The following CYP2C19 variants were observed in gnomAD, a reference collection of about 807,000 sequenced individuals.
The protein encoded by CYP2C19 is cytochrome P450 2C19.
In CYP2C19, 59 loss-of-function variants were observed where a neutral mutation model predicts 40.9. That is an observed-to-expected ratio of 1.44 (90% CI 1.17 to 1.79). CYP2C19 has a LOEUF of 1.79. CYP2C19 is among the 40% of genes most tolerant of loss of function. The pLI, the probability that CYP2C19 is intolerant of heterozygous loss-of-function variation, is 0.00. For missense variants in CYP2C19, 754 were observed against 596.9 expected, an observed-to-expected ratio of 1.26 and a Z score of -2.74; for synonymous variants, 253 against 208.7, an observed-to-expected ratio of 1.21 and a Z score of -1.83.
intron 5 of CYP2C19, among the ~76,000 whole-genome samples, chr10:94,809,318 A>G (rs1848880676): frequency 6.6e-6 from 1 of 152,096 alleles, no homozygotes; most frequent in Admixed American, 6.6e-5. Flanking sequence ...TGAGCTCCTT[A>G]TATAGTCTGG....
intron 5 of CYP2C19, among the ~76,000 whole-genome samples, chr10:94,802,343 CTTCT>C (rs2134253959): frequency 6.6e-6 from 1 of 152,270 alleles, no homozygotes; most frequent in South Asian, 2.1e-4. Context: ...AGGTAGTGGC[CTTCT>C]TTGTCTCTTT....
chr10:94,790,726 A>C (rs984492497), intron 5 of CYP2C19, among the ~76,000 whole-genome samples: 1 of 152,064 alleles, frequency 6.6e-6, no homozygotes, highest in African/African-American at 2.4e-5. Flanking sequence ...AGCCAACTTG[A>C]TCGTGGTGGA....
chr10:94,818,359 AC>A (rs1849046481), intron 5 of CYP2C19, among the ~76,000 whole-genome samples: 1 of 151,680 alleles, frequency 6.6e-6, no homozygotes, highest in African/African-American at 2.4e-5. Context: ...CTTAGGATTG[AC>A]TTGATGATGC....
At chr10:94,804,876 G>A (rs989110554) in intron 5 of CYP2C19, among the ~76,000 whole-genome samples, 5 of 152,058 alleles carry the variant, frequency 3.3e-5, no homozygotes, top group Non-Finnish European at 5.9e-5. Context: ...TGGAAAATAT[G>A]GTATTCTTTA....
chr10:94,766,013 T>C (rs898312706), intron 1 of CYP2C19, among the ~76,000 whole-genome samples: 2 of 152,130 alleles, frequency 1.3e-5, no homozygotes, highest in Admixed American at 1.3e-4. Context: ...ATGTAAAAGT[T>C]GGATTGCACG....
rs898130985 is a variant in CYP2C19, at chr10:94,838,715, G to T, written c.962-4122G>T. Among the ~76,000 whole-genome samples the T allele has an allele frequency of 2.6e-5, 4 of 152,096 alleles. No homozygotes were observed. The East Asian group carries it at 7.7e-4, about 29-fold the overall frequency. ...ACACTGGGATAGGGAGGTAGACTGA[G>T]GGCTTCCTGTAGGGCATAAATCACA... On this transcript the variant is annotated intron_variant, in intron 6 of 8. Coordinates refer to ENST00000371321, the MANE Select transcript of CYP2C19 (RefSeq NM_000769.4).
intron 6 of CYP2C19, among the ~76,000 whole-genome samples, chr10:94,831,378 CT>C (rs1849332761): frequency 6.6e-6 from 1 of 152,158 alleles, no homozygotes; most frequent in African/African-American, 2.4e-5. Context: ...TATTTCCTTT[CT>C]TTTGGGTATA....
chr10:94,797,420 C>T (rs542523107), intron 5 of CYP2C19, among the ~76,000 whole-genome samples: 24 of 151,988 alleles, frequency 1.6e-4, no homozygotes, highest in Non-Finnish European at 2.2e-4. Flanking sequence ...ATTTTTGCAT[C>T]GATGTTCTTC....
At chr10:94,822,747 T>A (rs1849145467) in intron 6 of CYP2C19, among the ~76,000 whole-genome samples, 1 of 152,182 alleles carries the variant, frequency 6.6e-6, no homozygotes, top group Admixed American at 6.5e-5. Flanking sequence ...GTTTTTGGAC[T>A]TTTTAATATT....
At chr10:94,816,645 G>A (rs189632703) in intron 5 of CYP2C19, among the ~76,000 whole-genome samples, 4,773 of 149,996 alleles carry the variant, frequency 0.032, 123 homozygotes, top group Middle Eastern at 0.13. Flanking sequence ...AGTTACATAT[G>A]TATACATGTG....
intron 5 of CYP2C19, among the ~76,000 whole-genome samples, chr10:94,793,066 T>A (rs188512540): frequency 6.6e-6 from 1 of 152,292 alleles, no homozygotes; most frequent in Non-Finnish European, 1.5e-5. Context: ...TTTACTCTTT[T>A]TTCTCTAAAC....
intron 3 of CYP2C19, 83 bp downstream of exon 3, chr10:94,775,622 C>T (rs947016752): frequency 4.4e-6 from 7 of 1,606,934 alleles, no homozygotes; most frequent in Non-Finnish European, 5.1e-6. Context: ...TCAGGGGTGG[C>T]CAGATCTTTT....
At chr10:94,789,931 G>C (rs1275074314) in intron 5 of CYP2C19, among the ~76,000 whole-genome samples, 1 of 152,038 alleles carries the variant, frequency 6.6e-6, no homozygotes, top group Non-Finnish European at 1.5e-5. Context: ...AACTTACCTT[G>C]GGCAGTATGG....
intron 6 of CYP2C19, among the ~76,000 whole-genome samples, chr10:94,841,496 T>C (rs1211794922): frequency 1.3e-5 from 2 of 152,094 alleles, no homozygotes; most frequent in African/African-American, 2.4e-5. Flanking sequence ...AAAACAGAGC[T>C]CCCATACAAA....
intron 6 of CYP2C19, among the ~76,000 whole-genome samples, chr10:94,834,689 C>T (rs1849375730): frequency 1.3e-5 from 2 of 152,146 alleles, no homozygotes; most frequent in Admixed American, 1.3e-4. Flanking sequence ...GTCCCTCCCA[C>T]TGTGCTTTCA....
intron 6 of CYP2C19, among the ~76,000 whole-genome samples, chr10:94,835,032 A>T (rs1430159686): frequency 6.6e-6 from 1 of 152,184 alleles, no homozygotes; most frequent in Non-Finnish European, 1.5e-5. Context: ...CAATGTCATT[A>T]ACATTGGAGC....
intron 7 of CYP2C19, among the ~76,000 whole-genome samples, chr10:94,848,705 A>G (rs1849608540): frequency 6.6e-6 from 1 of 152,162 alleles, no homozygotes; most frequent in Admixed American, 6.5e-5. Flanking sequence ...CTTCCTACCT[A>G]TGAGCATGGA....
At position 94,831,166 on chromosome 10, in the gene CYP2C19, A is replaced by G. The variant is rs539997037; in HGVS notation, c.961+10529A>G. On this transcript the variant is annotated intron_variant, in intron 6 of 8. Coordinates refer to ENST00000371321, the MANE Select transcript of CYP2C19 (RefSeq NM_000769.4). ...TACCTGGCTTATTTCACTTAACATA[A>G]TGCTCTCCAATTTCATTCATGTTGT... Among the ~76,000 whole-genome samples, 4 of 152,286 alleles carry G rather than the reference A, an allele frequency of 2.6e-5. No individual in the cohort carries two copies. In the East Asian group the frequency reaches 7.7e-4, roughly 29 times the overall value.
chr10:94,773,145 G>A (rs1207816261), intron 1 of CYP2C19, among the ~76,000 whole-genome samples: 5 of 152,152 alleles, frequency 3.3e-5, no homozygotes, highest in African/African-American at 1.2e-4. Flanking sequence ...AGGAAAAATA[G>A]GACAGAACAG....
Sources: gnomAD v4.1 joint callset for allele counts (sites outside exome capture counted in the v4.1 genomes callset) on GRCh38, gnomAD v4.1.1 for gene constraint, MANE v1.5 for transcripts, NCBI Gene and HGNC (gene_info 2026-07-23, HGNC 2026-07-21) for gene names.